Variants in TAF15 observed in about 807,000 individuals in gnomAD.
The protein encoded by TAF15 is TATA-binding protein-associated factor 2N.
In TAF15, 37 loss-of-function variants were observed where a neutral mutation model predicts 102.5. The observed-to-expected ratio is 0.36, with a 90% CI of 0.28 to 0.47. The LOEUF (loss-of-function observed/expected upper bound fraction) is 0.47, where lower values mean the gene tolerates loss of function less well. TAF15 is among the 20% of genes least tolerant of loss of function. The pLI is 0.99. For synonymous variants in TAF15, 273 were observed against 259.2 expected (o/e 1.05, Z -0.51); for missense variants, 652 against 760.7 (o/e 0.86, Z 1.68).
In TAF15 at chr17:35,838,419, C is replaced by G; in HGVS notation, c.784-5C>G. On this transcript the variant is annotated splice_region_variant and splice_polypyrimidine_tract_variant and intron_variant, in intron 10 of 15. Transcript: ENST00000605844. The stretch of plus-strand genomic sequence containing the variant: ...CTAACACCAAGTGTTTCTGTTTTTC[C>G]TCAGACAAATAAGAAGACCGGAAAA... 3 of 1,613,840 alleles carry G rather than the reference C, an allele frequency of 1.9e-6. No individual in the cohort carries two copies. The highest frequency in any genetic ancestry group is 2.5e-6 in the Non-Finnish European group (3 of 1,179,942).
chr17:35,844,310 G>A lies in TAF15; in HGVS notation c.1119G>A (p.Arg373=). 1 of 1,614,208 alleles carries A rather than the reference G, an allele frequency of 6.2e-7. No homozygotes were observed. The highest frequency in any genetic ancestry group is 8.5e-7 in the Non-Finnish European group (1 of 1,180,050). The change falls in exon 14 of 16, where the codon AGG becomes AGA. Residue 373 remains arginine, a synonymous_variant. Transcript: ENST00000605844. ...GCGGAAATATGAACTTTGCTCGAAG[G>A]AATTCCTGCAATCAGTGCAATGAGC... is the stretch of plus-strand genomic sequence containing the variant. ...PSCGNMNFAR[R]NSCNQCNEPR...
At chr17:35,812,198 A>G (rs1430964780) in intron 1 of TAF15, among the ~76,000 whole-genome samples, 1 of 152,194 alleles carries the variant, frequency 6.6e-6, no homozygotes, top group Admixed American at 6.5e-5. Context: ...GTACCAACAT[A>G]AGAGATGACA....
intron 10 of TAF15, 44 bp downstream of exon 10, chr17:35,836,285 C>A: frequency 7.4e-7 from 1 of 1,346,908 alleles, no homozygotes; most frequent in Non-Finnish European, 1.1e-6. Context: ...AATTAATGTT[C>A]TGATTACAAT....
intron 1 of TAF15, 149 bp from the exon 2 acceptor site, chr17:35,817,567 T>G: frequency 1.4e-6 from 1 of 696,338 alleles, no homozygotes. Flanking sequence ...TTGTACAAAT[T>G]TCTTGTTTCA....
At chr17:35,833,705 C>G (rs566980823) in intron 7 of TAF15, 1 of 584,232 alleles carries the variant, frequency 1.7e-6, no homozygotes, top group African/African-American at 1.9e-5. Context: ...CTTGAAAAGA[C>G]ATCTTGTGGA....
chr17:35,838,403 A>G (rs1364878936), intron 10 of TAF15, 21 bp from the exon 11 acceptor site: 2 of 1,613,978 alleles, frequency 1.2e-6, no homozygotes, highest in African/African-American at 1.3e-5. Flanking sequence ...GCTAACACCA[A>G]GTGTTTCTGT....
Position 35,824,150 on chromosome 17 carries a change from G to T in TAF15, c.557G>T (p.Gly186Val), listed in dbSNP as rs1379881863. 1 of 1,613,916 alleles carries T rather than the reference G, an allele frequency of 6.2e-7. No individual in the cohort carries two copies. The highest frequency in any genetic ancestry group is 1.3e-5 in the African/African-American group (1 of 74,904). ...GYGGSQGGGR[G>V]RGGYDKDGRG... is the part of the protein sequence containing the mutation. ...GGCGGGTCACAGGGAGGAGGTAGAG[G>T]GCGTGGGGGATATGACAAGGATGGA... Residue 186 changes from glycine to valine, a missense_variant, in exon 7 of 16, where the codon GGG becomes GTG. Transcript: ENST00000605844.
chr17:35,824,605 C>T (rs2087303835), intron 7 of TAF15, among the ~76,000 whole-genome samples: 2 of 152,082 alleles, frequency 1.3e-5, no homozygotes, highest in African/African-American at 4.8e-5. Flanking sequence ...CTCCAATCTC[C>T]TTGGGAAGGG....
At chr17:35,834,303 A>C in intron 8 of TAF15, 1 of 463,626 alleles carries the variant, frequency 2.2e-6, no homozygotes, top group South Asian at 3.4e-5. Context: ...TTACAACCAG[A>C]GCTTAACAAA....
chr17:35,827,300 C>T (rs2087342146), intron 7 of TAF15, among the ~76,000 whole-genome samples: 1 of 148,238 alleles, frequency 6.7e-6, no homozygotes, highest in Non-Finnish European at 1.5e-5. Flanking sequence ...CGCACCACTG[C>T]ACTCCAACCT....
Position 35,820,362 on chromosome 17 carries a change from A to C in TAF15, c.215A>C (p.Asn72Thr), listed in dbSNP as rs1393848119. 4.3e-6 allele frequency: 7 copies of C among 1,614,126 alleles called. No homozygotes were observed. The highest frequency in any genetic ancestry group is 1.1e-5 in the South Asian group (1 of 91,090). The stretch of plus-strand genomic sequence containing the variant: ...TCACAGTCCTATGGTGGTTATGAGA[A>C]TCAAAAGCAGAGCTCATATAGCCAG... ...GYSQSYGGYENQKQSSYSQQP... is the reference protein window; with the variant it reads ...GYSQSYGGYETQKQSSYSQQP... Residue 72 changes from asparagine (N) to threonine (T), a missense_variant, in exon 5 of 16, where the codon AAT becomes ACT. By Grantham distance (65) the Asn-to-Thr change is moderately conservative (BLOSUM62 0). Transcript: ENST00000605844.
chr17:35,844,891 A>G lies in TAF15; in HGVS notation c.1592A>G (p.Tyr531Cys), dbSNP rs750426077. 19 of 1,607,008 alleles carry G rather than the reference A, an allele frequency of 1.2e-5. No homozygotes were observed. In the African/African-American group the frequency reaches 1.7e-4, roughly 14 times the overall value. Residue 531 changes from tyrosine to cysteine, a missense_variant, in exon 15 of 16, where the codon TAT becomes TGT. Physicochemically the swap from Tyr to Cys is radical, Grantham distance 194. Coordinates refer to ENST00000605844, the MANE Select transcript of TAF15 (RefSeq NM_139215.3). Reference sequence around the variant, plus strand: ...GGAGGAGACAGAAGCCGGGGGGGCTATGGAGGAGACCGTGGTGGTGGCAGT... The same window carrying G: ...GGAGGAGACAGAAGCCGGGGGGGCTGTGGAGGAGACCGTGGTGGTGGCAGT... ...GYGGDRSRGG[Y>C]GGDRGGGSGY...
chr17:35,825,286 TAA>T (rs1181633488), intron 7 of TAF15, among the ~76,000 whole-genome samples: 2 of 152,224 alleles, frequency 1.3e-5, no homozygotes, highest in African/African-American at 2.4e-5. Flanking sequence ...ACTTGGACAT[TAA>T]GTCTGTTGAT....
At chr17:35,836,946 G>A (rs2087482358) in intron 10 of TAF15, among the ~76,000 whole-genome samples, 1 of 151,912 alleles carries the variant, frequency 6.6e-6, no homozygotes, top group African/African-American at 2.4e-5. Context: ...GCTAATTTTT[G>A]TATTTTTAGT....
intron 8 of TAF15, 44 bp downstream of exon 8, chr17:35,833,985 T>A: frequency 6.2e-7 from 1 of 1,608,062 alleles, no homozygotes; most frequent in Non-Finnish European, 8.5e-7. Flanking sequence ...AAATGCTATA[T>A]AAATCTAAAA....
intron 1 of TAF15, among the ~76,000 whole-genome samples, chr17:35,814,325 C>T (rs748940957): frequency 1.6e-4 from 25 of 152,118 alleles, no homozygotes; most frequent in Non-Finnish European, 3.4e-4. Flanking sequence ...ACCACCACCA[C>T]GTCCGGCTAA....
chr17:35,811,665 A>G (rs914548396), intron 1 of TAF15: 1 of 152,218 alleles, frequency 6.6e-6, no homozygotes, highest in South Asian at 2.1e-4. Context: ...AATTGACTCA[A>G]CCACTCCAAA....
chr17:35,842,233 T>A, intron 11 of TAF15, 134 bp from the exon 12 acceptor site: 1 of 707,474 alleles, frequency 1.4e-6, no homozygotes. Flanking sequence ...TTATCTTGAC[T>A]CTTTGCATTT....
intron 10 of TAF15, among the ~76,000 whole-genome samples, chr17:35,837,157 G>A (rs193133225): frequency 1.5e-4 from 23 of 151,864 alleles, no homozygotes; most frequent in Non-Finnish European, 3.1e-4. Context: ...TGTTGTTGTC[G>A]TTGTTGTCTT....
Sources: allele counts gnomAD v4.1 joint callset (sites outside exome capture counted in the v4.1 genomes callset), GRCh38; gene constraint gnomAD v4.1.1; transcripts MANE v1.5; gene names NCBI Gene and HGNC (gene_info 2026-07-23, HGNC 2026-07-21).